HTRA2: variants seen among roughly 807,000 people sequenced by gnomAD.
HTRA2 encodes the protein serine protease HTRA2, mitochondrial.
Under a neutral mutation model 42.2 loss-of-function variants are expected in HTRA2, and 24 were observed. That is an observed-to-expected ratio of 0.57 (90% CI 0.41 to 0.80). The LOEUF (loss-of-function observed/expected upper bound fraction) is 0.80, where lower values mean the gene tolerates loss of function less well. HTRA2 is among the 30% of genes least tolerant of loss of function. The pLI, the probability that HTRA2 is intolerant of heterozygous loss-of-function variation, is 0.00. For missense variants in HTRA2, 466 were observed against 613.5 expected, an observed-to-expected ratio of 0.76 and a Z score of 2.54; for synonymous variants, 245 against 255.8, an observed-to-expected ratio of 0.96 and a Z score of 0.40.
chr2:74,533,464 C>T (rs965871144), downstream of HTRA2: 7 of 693,630 alleles, frequency 1.0e-5, no homozygotes, highest in African/African-American at 8.9e-5. Context: ...GTGAAAACTT[C>T]TGCTTGACAG....
chr2:74,529,454 C>G (rs1415804148), upstream of HTRA2: 1 of 1,566,316 alleles, frequency 6.4e-7, no homozygotes, highest in Non-Finnish European at 8.7e-7. Flanking sequence ...ACCCGACTGG[C>G]GCGTAGAGCA....
In HTRA2 at chr2:74,532,884, G is replaced by A; in HGVS notation, c.1276G>A (p.Asp426Asn). ...IGEQMVQNAE[D>N]VYEAVRTQSQ... ...GGAGCAGATGGTACAAAATGCTGAA[G>A]ATGTTTATGAAGCTGTTCGAACCCA... The change falls in exon 8 of 8, where the codon GAT becomes AAT. Residue 426 changes from aspartate to asparagine, a missense_variant. Asp to Asn is a conservative substitution (Grantham distance 23). Around this residue, in one of 3 missense-constraint regions of HTRA2, gnomAD observed 129 missense variants for 163.1 expected, o/e 0.79. Transcript: ENST00000258080. 1 of 1,614,150 alleles carries A rather than the reference G, an allele frequency of 6.2e-7. No homozygotes were observed. Among genetic ancestry groups the A allele is most frequent in the Non-Finnish European group, 8.5e-7 (1 of 1,180,026 alleles).
In HTRA2 at chr2:74,530,897, C is replaced by G; in HGVS notation, c.712-14C>G. 1.2e-6 allele frequency: 2 copies of G among 1,614,124 alleles called. No homozygotes were observed. The highest frequency in any genetic ancestry group is 4.5e-5 in the East Asian group (2 of 44,892). On this transcript the variant is annotated splice_polypyrimidine_tract_variant and intron_variant, in intron 2 of 7. Coordinates refer to ENST00000258080, the MANE Select transcript of HTRA2 (RefSeq NM_013247.5). This position sits in a 1 kb window ranked among gnomAD's most constrained non-coding sequence, Gnocchi z 7.4. Reference sequence around the variant, plus strand: ...TCTTCAGATGACAGGTCTCTTTTACCCATTCTCCCTTAGGAGCCTCTCCCC... The same window carrying G: ...TCTTCAGATGACAGGTCTCTTTTACGCATTCTCCCTTAGGAGCCTCTCCCC...
upstream of HTRA2, chr2:74,529,863 G>A: frequency 7.1e-7 from 1 of 1,416,806 alleles, no homozygotes; most frequent in Admixed American, 2.9e-5. Flanking sequence ...GCAGGGAGGA[G>A]TCGGCCTCCC....
downstream of HTRA2, chr2:74,533,349 T>C (rs1480328761): frequency 3.7e-6 from 2 of 539,816 alleles, no homozygotes; most frequent in Non-Finnish European, 3.3e-6. Flanking sequence ...CAGGTGCTGC[T>C]CTTTGTGGTG....
rs910447761 is a variant in HTRA2, at chr2:74,533,063, C to T, written c.*78C>T. 8.3e-6 allele frequency: 12 copies of T among 1,445,072 alleles called. No individual in the cohort carries two copies. The highest frequency in any genetic ancestry group is 1.1e-5 in the Non-Finnish European group (11 of 1,036,714). The allele number at this position is 1,445,072 out of a possible 1,614,324, so 89.5% of individuals were successfully genotyped here. ...GGCTGAGGTTCTGAGGGCACCGAGA[C>T]AGAGGGTTAAATGAACCAGTGGGGG... On this transcript the variant is annotated 3_prime_UTR_variant, in exon 8 of 8. Coordinates refer to ENST00000258080, the MANE Select transcript of HTRA2 (RefSeq NM_013247.5).
chr2:74,529,746 G>A (rs778706172), upstream of HTRA2: 233 of 1,501,052 alleles, frequency 1.6e-4, no homozygotes, highest in African/African-American at 3.0e-3. Context: ...GGGACCCGAA[G>A]TCCTGAGGCG....
chr2:74,530,148 G>A lies in HTRA2; in HGVS notation c.142G>A (p.Ala48Thr). 1 of 1,612,250 alleles carries A rather than the reference G, an allele frequency of 6.2e-7. No homozygotes were observed. Among genetic ancestry groups the A allele is most frequent in the Non-Finnish European group, 8.5e-7 (1 of 1,179,404 alleles). The change falls in exon 1 of 8, where the codon GCC becomes ACC. Residue 48 changes from alanine to threonine, a missense_variant. Ala to Thr is a moderately conservative substitution (Grantham distance 58). Around this residue, in one of 3 missense-constraint regions of HTRA2, gnomAD observed 222 missense variants for 205.1 expected, o/e 1.08. Transcript: ENST00000258080. The surrounding 1 kb of genome is among the most constrained non-coding windows in gnomAD (Gnocchi z 7.4). ...GACGTCAGGAACTTCTGACCCCCGGGCCCGAGTGACTTATGGGACCCCCAG... is the reference window on the plus strand; with the variant it reads ...GACGTCAGGAACTTCTGACCCCCGGACCCGAGTGACTTATGGGACCCCCAG... ...LLTSGTSDPR[A>T]RVTYGTPSLW... is the part of the protein sequence containing the mutation.
In HTRA2 at chr2:74,530,054, A is replaced by T; in HGVS notation, c.48A>T (p.Ala16=). The change falls in exon 1 of 8, where the codon GCA becomes GCT. Residue 16 remains alanine, a synonymous_variant. Coordinates refer to ENST00000258080, the MANE Select transcript of HTRA2 (RefSeq NM_013247.5). The surrounding 1 kb of genome is among the most constrained non-coding windows in gnomAD (Gnocchi z 7.4). ...AGRGAGWSLR[A]WRALGGIRWG... ...GGGGTGCAGGCTGGAGCCTTCGGGC[A>T]TGGCGGGCTTTGGGGGGCATTCGCT... 1 of 1,583,724 alleles carries T rather than the reference A, an allele frequency of 6.3e-7. No individual in the cohort carries two copies. Among genetic ancestry groups the T allele is most frequent in the South Asian group, 1.1e-5 (1 of 89,114 alleles).
At chr2:74,529,821 C>T, upstream of HTRA2, 2 of 1,426,858 alleles carry the variant, frequency 1.4e-6, no homozygotes, top group Non-Finnish European at 1.8e-6. Flanking sequence ...AACTCGCGTC[C>T]GGCGGAGACC....
At position 74,530,940 on chromosome 2, in the gene HTRA2, C is replaced by G; in HGVS notation, c.741C>G (p.Arg247=). ...KEPLPTLPLG[R]SADVRQGEFV... ...CTCTCCCCACGCTGCCTCTGGGACG[C>G]TCAGCTGATGTCCGGCAAGGGGAGT... The change falls in exon 3 of 8, where the codon CGC becomes CGG. Residue 247 remains arginine (R), a synonymous_variant. Coordinates refer to ENST00000258080, the MANE Select transcript of HTRA2 (RefSeq NM_013247.5). This position sits in a 1 kb window ranked among gnomAD's most constrained non-coding sequence, Gnocchi z 7.4. 6.2e-7 allele frequency: 1 copy of G among 1,614,232 alleles called. No homozygotes were observed. Among genetic ancestry groups the G allele is most frequent in the Non-Finnish European group, 8.5e-7 (1 of 1,180,036 alleles).
Position 74,531,033 on chromosome 2 carries a change from T to C in HTRA2, c.834T>C (p.Ala278=). 2 of 1,614,198 alleles carry C rather than the reference T, an allele frequency of 1.2e-6. No individual in the cohort carries two copies. The highest frequency in any genetic ancestry group is 1.7e-6 in the Non-Finnish European group (2 of 1,180,032). ...TCACATCCGGCATTGTTAGCTCTGC[T>C]CAGCGTCCAGCCAGAGACCTGGGAC... The part of the protein sequence containing the change: ...NTITSGIVSS[A]QRPARDLGLP... The change falls in exon 3 of 8, where the codon GCT becomes GCC. Residue 278 remains alanine, a synonymous_variant. Transcript: ENST00000258080.
intron 6 of HTRA2, 177 bp from the exon 7 acceptor site, chr2:74,532,442 A>T (rs548291848): frequency 6.7e-4 from 441 of 661,360 alleles, no homozygotes; most frequent in Non-Finnish European, 1.1e-3. Context: ...TACATCTTTT[A>T]TGTACATGTT....
At position 74,532,993 on chromosome 2, in the gene HTRA2, A is replaced by C. The variant is rs1305235888; in HGVS notation, c.*8A>C. The C allele has an allele frequency of 1.2e-6, 2 of 1,613,456 alleles. No homozygotes were observed. Among genetic ancestry groups the C allele is most frequent in the Admixed American group, 3.3e-5 (2 of 60,018 alleles). On this transcript the variant is annotated 3_prime_UTR_variant, in exon 8 of 8. Transcript: ENST00000258080. ...CCTGAGGTCACAGAATGAATAGATC[A>C]CCAAGAGTATGAGGCTCCTGCTCTG... is the stretch of plus-strand genomic sequence containing the variant.
Position 74,530,858 on chromosome 2 carries a change from C to T in HTRA2, c.711+37C>T, listed in dbSNP as rs763700828. ...GGTAGGCCAGGTCTGGTTGGAGCTG[C>T]TTATTTGCTCGCATCTTCAGATGAC... On this transcript the variant is annotated intron_variant, in intron 2 of 7. Transcript: ENST00000258080. The surrounding 1 kb of genome is among the most constrained non-coding windows in gnomAD (Gnocchi z 7.4). 6.2e-7 allele frequency: 1 copy of T among 1,614,098 alleles called. No homozygotes were observed. Among genetic ancestry groups the T allele is most frequent in the South Asian group, 1.1e-5 (1 of 91,086 alleles).
intron 6 of HTRA2, 76 bp from the exon 7 acceptor site, chr2:74,532,543 A>G (rs1261229929): frequency 6.4e-6 from 7 of 1,098,594 alleles, no homozygotes; most frequent in Non-Finnish European, 9.7e-6. Flanking sequence ...CAATGTGTTG[A>G]TGAGAGACTT....
chr2:74,531,819 T>C, intron 5 of HTRA2, 37 bp from the exon 6 acceptor site: 1 of 1,613,054 alleles, frequency 6.2e-7, no homozygotes, highest in Non-Finnish European at 8.5e-7. Flanking sequence ...GAAGGAAGGA[T>C]GTAGCTGGGT....
rs780434920 is a variant in HTRA2, at chr2:74,530,595, C to T, written c.507-22C>T. Reference sequence around the variant, plus strand: ...AGGAGGGGTCAGAGCCTCCTCTTATCTGTGCTTTCCCTCCATTTCAGGCAC... The same window carrying T: ...AGGAGGGGTCAGAGCCTCCTCTTATTTGTGCTTTCCCTCCATTTCAGGCAC... On this transcript the variant is annotated intron_variant, in intron 1 of 7. Transcript: ENST00000258080. The surrounding 1 kb of genome is among the most constrained non-coding windows in gnomAD (Gnocchi z 7.4). The T allele has an allele frequency of 6.2e-7, 1 of 1,613,936 alleles. No individual in the cohort carries two copies. Among genetic ancestry groups the T allele is most frequent in the African/African-American group, 1.3e-5 (1 of 75,050 alleles).
Position 74,530,271 on chromosome 2 carries a change from G to T in HTRA2, c.265G>T (p.Asp89Tyr), listed in dbSNP as rs369552918. ...PRAQLTAVTP[D>Y]TRTREASENS... ...GGCACAACTGACTGCGGTGACCCCAGATACCAGGACCCGGGAGGCCTCAGA... is the reference window on the plus strand; with the variant it reads ...GGCACAACTGACTGCGGTGACCCCATATACCAGGACCCGGGAGGCCTCAGA... Residue 89 changes from aspartate to tyrosine, a missense_variant, in exon 1 of 8, where the codon GAT (aspartate) becomes TAT (tyrosine). Asp to Tyr is a radical substitution (Grantham distance 160). Coordinates refer to ENST00000258080, the MANE Select transcript of HTRA2 (RefSeq NM_013247.5). The surrounding 1 kb of genome is among the most constrained non-coding windows in gnomAD (Gnocchi z 7.4). The T allele has an allele frequency of 6.2e-7, 1 of 1,607,206 alleles. No homozygotes were observed. Among genetic ancestry groups the T allele is most frequent in the African/African-American group, 1.3e-5 (1 of 74,700 alleles).
Sources: allele counts gnomAD v4.1 joint callset, GRCh38; gene constraint gnomAD v4.1.1; regional missense constraint gnomAD v4.1.1; non-coding constraint Gnocchi (gnomAD v3.1); transcripts MANE v1.5; gene names NCBI Gene and HGNC (gene_info 2026-07-23, HGNC 2026-07-21).